The following DOCK10 variants were observed in gnomAD, a reference collection of about 807,000 sequenced individuals.
DOCK10 encodes the protein dedicator of cytokinesis protein 10.
In DOCK10, 145 loss-of-function variants were observed where a neutral mutation model predicts 280.1. The ratio of observed to expected loss-of-function variants is 0.52; its 90% CI spans 0.45 to 0.59. The LOEUF is 0.59. DOCK10 is among the 20% of genes least tolerant of loss of function. The probability of loss-of-function intolerance (pLI) is 0.00; values close to 1 mark genes in which losing one functional copy is unlikely to be tolerated. For missense variants in DOCK10, 2,368 were observed against 2,651.7 expected (o/e 0.89, Z 2.35); for synonymous variants, 915 against 942.2 (o/e 0.97, Z 0.53).
At chr2:224,778,478 A>G (rs939411139) in intron 50 of DOCK10, 194 bp from the exon 51 acceptor site, 18 of 638,228 alleles carry the variant, frequency 2.8e-5, no homozygotes, top group Non-Finnish European at 4.7e-5. Flanking sequence ...ATAATCAGAC[A>G]TTAATGTAAA....
intron 1 of DOCK10, among the ~76,000 whole-genome samples, chr2:225,021,568 T>A (rs1165600255): frequency 2.0e-5 from 3 of 152,210 alleles, no homozygotes. Context: ...AGCTTTGTTT[T>A]ATTTTGTGGG....
At chr2:224,840,123 C>A in intron 23 of DOCK10, 51 bp from the exon 24 acceptor site, 1 of 866,124 alleles carries the variant, frequency 1.2e-6, no homozygotes, top group African/African-American at 1.7e-5. Context: ...TGAAGCATGT[C>A]CTACATTCAA....
chr2:224,887,630 A>G (rs1699388070), intron 4 of DOCK10, among the ~76,000 whole-genome samples: 1 of 152,214 alleles, frequency 6.6e-6, no homozygotes, highest in African/African-American at 2.4e-5. Context: ...ACTCCCATGT[A>G]TAAAAATTTC....
At chr2:224,953,946 T>TGA (rs1491273227) in intron 1 of DOCK10, among the ~76,000 whole-genome samples, 2 of 150,274 alleles carry the variant, frequency 1.3e-5, no homozygotes, top group African/African-American at 4.9e-5. Flanking sequence ...TGTGTGTGTG[T>TGA]GATGCATGCT....
rs117478666 is a variant in DOCK10, at chr2:224,990,203, C to T, written c.123+52049G>A. The stretch of plus-strand genomic sequence containing the variant: ...CTAAGTCAGCTTCCTGCAGAGTGCA[C>T]GGATAATTTAAATGTTCCATTAATA... On this transcript the variant is annotated intron_variant, in intron 1 of 55. Coordinates refer to ENST00000258390, the MANE Select transcript of DOCK10 (RefSeq NM_014689.3). Among the ~76,000 whole-genome samples, 22 of 152,254 alleles carry T rather than the reference C, an allele frequency of 1.4e-4. No homozygotes were observed. The East Asian group carries it at 2.9e-3, about 20-fold the overall frequency.
chr2:224,927,273 A>C (rs1702087572), intron 2 of DOCK10, among the ~76,000 whole-genome samples: 3 of 152,172 alleles, frequency 2.0e-5, no homozygotes, highest in Admixed American at 6.5e-5. Context: ...CTCAGAGAAC[A>C]TGGGGAACCA....
At chr2:224,947,098 G>A in intron 1 of DOCK10, 2 of 1,341,346 alleles carry the variant, frequency 1.5e-6, no homozygotes, top group Non-Finnish European at 1.9e-6. Flanking sequence ...TCAACAGAAA[G>A]GAAAGGAAAG....
intron 11 of DOCK10, among the ~76,000 whole-genome samples, chr2:224,871,046 T>G (rs1347352519): frequency 6.6e-6 from 1 of 151,930 alleles, no homozygotes; most frequent in Non-Finnish European, 1.5e-5. Flanking sequence ...AGGCTGGTCT[T>G]GAACTCCTGA....
chr2:224,988,703 A>G (rs895956568), intron 1 of DOCK10, among the ~76,000 whole-genome samples: 1 of 152,232 alleles, frequency 6.6e-6, no homozygotes, highest in Admixed American at 6.5e-5. Context: ...TGACAGTTTC[A>G]GAAACCAGCT....
chr2:224,931,146 C>G (rs2126020726), intron 2 of DOCK10, among the ~76,000 whole-genome samples: 1 of 152,316 alleles, frequency 6.6e-6, no homozygotes, highest in South Asian at 2.1e-4. Context: ...TTTTTAAGAA[C>G]TGCATCTTTT....
intron 23 of DOCK10, 47 bp from the exon 24 acceptor site, chr2:224,840,119 A>G (rs1695866219): frequency 3.4e-6 from 3 of 895,178 alleles, no homozygotes; most frequent in Admixed American, 2.3e-5. Context: ...AATTTGAAGC[A>G]TGTCCTACAT....
chr2:224,988,102 A>C (rs1164478773), intron 1 of DOCK10, among the ~76,000 whole-genome samples: 1 of 152,174 alleles, frequency 6.6e-6, no homozygotes, highest in African/African-American at 2.4e-5. Flanking sequence ...TAGGGTGATA[A>C]CAGAGGCTTG....
intron 26 of DOCK10, among the ~76,000 whole-genome samples, chr2:224,833,200 T>C (rs959797393): frequency 1.3e-4 from 20 of 152,134 alleles, no homozygotes; most frequent in African/African-American, 4.6e-4. Context: ...GTTTAAAACA[T>C]TACTCCTCTG....
Position 224,765,802 on chromosome 2 carries a change from C to T in DOCK10, c.6480G>A (p.Val2160=), listed in dbSNP as rs368183880. The T allele has an allele frequency of 3.7e-6, 6 of 1,613,752 alleles. No homozygotes were observed. Among genetic ancestry groups the T allele is most frequent in the Admixed American group, 3.3e-5 (2 of 60,002 alleles). The change falls in exon 56 of 56, where the codon GTG becomes GTA. Residue 2160 remains valine, a synonymous_variant. Coordinates refer to ENST00000258390, the MANE Select transcript of DOCK10 (RefSeq NM_014689.3). ...TGRDDLSKRG[V]DQTCTRVISK... ...TAATTACTCGAGTGCAGGTTTGGTC[C>T]ACTCCGCGCTTTGACAGGTCGTCCC...
intron 27 of DOCK10, among the ~76,000 whole-genome samples, chr2:224,828,566 A>T (rs1290573652): frequency 1.3e-5 from 2 of 152,192 alleles, no homozygotes; most frequent in African/African-American, 4.8e-5. Flanking sequence ...ATGGCCACTA[A>T]GAAGGTGCTG....
intron 4 of DOCK10, among the ~76,000 whole-genome samples, chr2:224,894,400 A>G (rs918303839): frequency 2.0e-5 from 3 of 152,212 alleles, no homozygotes; most frequent in Non-Finnish European, 2.9e-5. Flanking sequence ...GATGGTGGGA[A>G]CACATTTAGT....
At chr2:224,918,991 A>T (rs1701518363) in intron 2 of DOCK10, among the ~76,000 whole-genome samples, 1 of 103,864 alleles carries the variant, frequency 9.6e-6, no homozygotes. Flanking sequence ...GTTTGTGGTA[A>T]GTGTATGTGT....
intron 1 of DOCK10, among the ~76,000 whole-genome samples, chr2:224,934,536 C>A (rs910022712): frequency 1.3e-5 from 2 of 152,216 alleles, no homozygotes; most frequent in Non-Finnish European, 2.9e-5. Context: ...ATGCTTTACA[C>A]ATCTGTGATG....
chr2:224,932,797 T>C (rs977044144), intron 1 of DOCK10, among the ~76,000 whole-genome samples: 1 of 152,228 alleles, frequency 6.6e-6, no homozygotes, highest in Non-Finnish European at 1.5e-5. Context: ...AAGGCTTTCT[T>C]TGGAAGATCT....
Sources: gnomAD v4.1 joint callset for allele counts (sites outside exome capture counted in the v4.1 genomes callset) on GRCh38, gnomAD v4.1.1 for gene constraint, MANE v1.5 for transcripts, NCBI Gene and HGNC (gene_info 2026-07-23, HGNC 2026-07-21) for gene names.